Variants in FRMD3 observed in about 807,000 individuals in gnomAD.
FRMD3 encodes the protein FERM domain containing 3, also known as FERM domain-containing protein 3.
A neutral mutation model predicts 70.2 loss-of-function variants in FRMD3; 33 were observed. The observed-to-expected ratio is 0.47, with a 90% CI of 0.36 to 0.63. The LOEUF (loss-of-function observed/expected upper bound fraction) is 0.63, where lower values mean the gene tolerates loss of function less well. FRMD3 is among the 20% of genes least tolerant of loss of function. The pLI is 0.00. For missense variants in FRMD3, 632 were observed against 711.4 expected (o/e 0.89, Z 1.27); for synonymous variants, 279 against 255.9 (o/e 1.09, Z -0.86).
chr9:83,260,883 C>A (rs559569206), intron 13 of FRMD3, among the ~76,000 whole-genome samples: 1 of 151,964 alleles, frequency 6.6e-6, no homozygotes, highest in Non-Finnish European at 1.5e-5. Context: ...ATACTTCAAG[C>A]GAAACTCCTG....
intron 1 of FRMD3, among the ~76,000 whole-genome samples, chr9:83,449,293 C>T (rs143572567): frequency 1.1e-4 from 17 of 152,300 alleles, no homozygotes; most frequent in African/African-American, 3.6e-4. Flanking sequence ...AACAGCTCTA[C>T]GAGCTTCCAT....
rs185995909 is a variant in FRMD3 at position 83,320,266 on chromosome 9, T to C, written c.597-6519A>G. Among the ~76,000 whole-genome samples the C allele has an allele frequency of 7.4e-3, 1,128 of 152,318 alleles. 11 individuals are homozygous for C. The highest frequency in any genetic ancestry group is 0.012 in the Non-Finnish European group (839 of 68,018). On this transcript the variant is annotated intron_variant, in intron 6 of 13. Transcript: ENST00000304195. ...AGGGAATGCTTTGAACTTTATCCTGTTAAATATGATGTTGGCTGTGGGTTT... is the reference window on the plus strand; with the variant it reads ...AGGGAATGCTTTGAACTTTATCCTGCTAAATATGATGTTGGCTGTGGGTTT...
chr9:83,446,998 GTTTTGTTTTGT>G (rs1827495209), intron 1 of FRMD3, among the ~76,000 whole-genome samples: 1 of 78,734 alleles, frequency 1.3e-5, no homozygotes, highest in South Asian at 5.8e-4. Context: ...TTTTTGTTTT[GTTTTGTTTTGT>G]TTTGTTTTGT....
intron 13 of FRMD3, 136 bp downstream of exon 13, chr9:83,290,467 T>C: frequency 1.0e-6 from 1 of 955,880 alleles, no homozygotes; most frequent in Non-Finnish European, 1.6e-6. Context: ...AAAGCTTATT[T>C]ACTAAAAACA....
intron 1 of FRMD3, among the ~76,000 whole-genome samples, chr9:83,507,923 T>C (rs540118775): frequency 6.6e-6 from 1 of 151,840 alleles, no homozygotes; most frequent in African/African-American, 2.4e-5. Context: ...TACTACGTAC[T>C]GTACATAATT....
chr9:83,549,063 C>T, the FRMD3 span, among the ~76,000 whole-genome samples: 1 of 151,916 alleles, frequency 6.6e-6, no homozygotes, highest in East Asian at 1.9e-4. Context: ...GTACTAAACC[C>T]AGTACCCAAG....
At chr9:83,546,952 A>G in the FRMD3 span, among the ~76,000 whole-genome samples, 1 of 151,560 alleles carries the variant, frequency 6.6e-6, no homozygotes, top group Non-Finnish European at 1.5e-5. Flanking sequence ...ATCCAACAAT[A>G]TGTTGCTCAC....
the FRMD3 span, among the ~76,000 whole-genome samples, chr9:83,574,474 T>C: frequency 6.6e-6 from 1 of 152,230 alleles, no homozygotes; most frequent in African/African-American, 2.4e-5. Context: ...CTCCATTTAA[T>C]AGTACTCCAT....
intron 1 of FRMD3, 117 bp from the exon 2 acceptor site, chr9:83,389,825 G>C (rs767191790): frequency 1.5e-6 from 1 of 675,684 alleles, no homozygotes; most frequent in Non-Finnish European, 2.6e-6. Flanking sequence ...GCTCACTCCA[G>C]TCCCTGAAGA....
intron 1 of FRMD3, among the ~76,000 whole-genome samples, chr9:83,433,963 C>T (rs2131380175): frequency 6.6e-6 from 1 of 152,322 alleles, no homozygotes; most frequent in Non-Finnish European, 1.5e-5. Flanking sequence ...CCTTAAAGGA[C>T]TTGTGTCAAA....
intron 3 of FRMD3, among the ~76,000 whole-genome samples, chr9:83,364,680 C>A (rs1469966785): frequency 6.6e-6 from 1 of 152,164 alleles, no homozygotes; most frequent in Non-Finnish European, 1.5e-5. Context: ...CCTCAGGAAG[C>A]CCTGGGCTAC....
chr9:83,550,784 T>C, the FRMD3 span, among the ~76,000 whole-genome samples: 1 of 151,450 alleles, frequency 6.6e-6, no homozygotes, highest in Non-Finnish European at 1.5e-5. Flanking sequence ...GTTTGGTTGT[T>C]AGTGGTGTAT....
the FRMD3 span, among the ~76,000 whole-genome samples, chr9:83,565,511 T>A: frequency 2.6e-5 from 4 of 152,220 alleles, no homozygotes; most frequent in African/African-American, 4.8e-5. Flanking sequence ...AGCCTCATTG[T>A]TAGCCATGAA....
chr9:83,269,912 T>G (rs1833474643), intron 13 of FRMD3, among the ~76,000 whole-genome samples: 2 of 152,208 alleles, frequency 1.3e-5, no homozygotes, highest in Non-Finnish European at 2.9e-5. Flanking sequence ...TCTTCTCCTT[T>G]CATGGAGAAA....
intron 3 of FRMD3, among the ~76,000 whole-genome samples, chr9:83,364,394 T>C (rs1365293785): frequency 3.9e-5 from 6 of 152,056 alleles, no homozygotes; most frequent in African/African-American, 1.4e-4. Context: ...CCGTATCTTC[T>C]AAAAATACAA....
intron 1 of FRMD3, among the ~76,000 whole-genome samples, chr9:83,446,447 A>G (rs1827467001): frequency 6.6e-6 from 1 of 152,232 alleles, no homozygotes; most frequent in East Asian, 1.9e-4. Flanking sequence ...GGAAATCAAG[A>G]CCATCCTGGC....
intron 6 of FRMD3, among the ~76,000 whole-genome samples, chr9:83,334,017 G>A (rs12006006): frequency 0.25 from 37,616 of 151,888 alleles, 4,881 homozygotes; most frequent in Admixed American, 0.31. Context: ...TGTTCTGAGC[G>A]TTAGAGGCCC....
At chr9:83,411,205 G>T (rs1826269092) in intron 1 of FRMD3, among the ~76,000 whole-genome samples, 1 of 152,200 alleles carries the variant, frequency 6.6e-6, no homozygotes, top group South Asian at 2.1e-4. Flanking sequence ...AGTCATTTGG[G>T]AGTAGATAAG....
intron 1 of FRMD3, among the ~76,000 whole-genome samples, chr9:83,514,386 G>T (rs141744952): frequency 1.4e-4 from 21 of 152,346 alleles, no homozygotes; most frequent in African/African-American, 5.1e-4. Context: ...GCTCAGCAAA[G>T]CTGCTGTAGC....
Sources: allele counts gnomAD v4.1 joint callset (sites outside exome capture counted in the v4.1 genomes callset), GRCh38; gene constraint gnomAD v4.1.1; transcripts MANE v1.5; gene names NCBI Gene and HGNC (gene_info 2026-07-23, HGNC 2026-07-21).